The following TNKS variants were observed in gnomAD, a reference collection of about 807,000 sequenced individuals.
TNKS encodes poly [ADP-ribose] polymerase tankyrase-1.
TNKS carries 72 observed loss-of-function variants against 135.8 expected under a neutral mutation model. The ratio of observed to expected loss-of-function variants is 0.53; its 90% CI spans 0.44 to 0.64. The LOEUF (loss-of-function observed/expected upper bound fraction) is 0.64, where lower values mean the gene tolerates loss of function less well. Among genes scored for constraint, TNKS ranks in the 30% least tolerant of loss-of-function variants. The pLI is 0.00. For missense variants in TNKS, 1,769 were observed against 1,674.0 expected (o/e 1.06, Z -0.99); for synonymous variants, 849 against 649.3 (o/e 1.31, Z -4.68).
intron 2 of TNKS, 53 bp from the exon 3 acceptor site, chr8:9,615,529 A>C: frequency 6.8e-7 from 1 of 1,464,746 alleles, no homozygotes; most frequent in South Asian, 1.2e-5. Flanking sequence ...ACTTACCAGT[A>C]AATAATCTCT....
intron 2 of TNKS, among the ~76,000 whole-genome samples, chr8:9,590,357 G>A (rs760169906): frequency 1.3e-5 from 2 of 152,150 alleles, no homozygotes; most frequent in African/African-American, 2.4e-5. Context: ...ATTCATCTGA[G>A]TTGTGCCCTG....
intron 5 of TNKS, among the ~76,000 whole-genome samples, chr8:9,701,853 G>C (rs1803819454): frequency 6.6e-6 from 1 of 152,142 alleles, no homozygotes; most frequent in South Asian, 2.1e-4. Context: ...TACACACAGG[G>C]GCCCCTTACA....
At chr8:9,628,221 T>C (rs1800139361) in intron 3 of TNKS, among the ~76,000 whole-genome samples, 1 of 152,210 alleles carries the variant, frequency 6.6e-6, no homozygotes, top group Non-Finnish European at 1.5e-5. Flanking sequence ...TAGTCACTTG[T>C]TTTTCTGCTT....
intron 25 of TNKS, among the ~76,000 whole-genome samples, chr8:9,768,503 C>T (rs922319037): frequency 2.0e-5 from 3 of 152,224 alleles, no homozygotes; most frequent in South Asian, 2.1e-4. Flanking sequence ...TAGGCTGCTG[C>T]GTCTGCAGAA....
At chr8:9,713,225 G>A (rs1804424309) in intron 11 of TNKS, among the ~76,000 whole-genome samples, 1 of 152,106 alleles carries the variant, frequency 6.6e-6, no homozygotes, top group African/African-American at 2.4e-5. Context: ...GCATCTTGTT[G>A]CTCTTTCAAG....
chr8:9,674,539 G>C (rs1050774684), intron 3 of TNKS, among the ~76,000 whole-genome samples: 1 of 152,210 alleles, frequency 6.6e-6, no homozygotes, highest in Non-Finnish European at 1.5e-5. Context: ...AGAAGTTTCA[G>C]CTCTTCTGGT....
chr8:9,620,141 A>G (rs1000881422), intron 3 of TNKS, among the ~76,000 whole-genome samples: 1 of 151,896 alleles, frequency 6.6e-6, no homozygotes, highest in South Asian at 2.1e-4. Context: ...GTATAGATGG[A>G]CTTTCACCAC....
At position 9,556,108 on chromosome 8, in the gene TNKS, G is replaced by T. The variant is rs750708851; in HGVS notation, c.169G>T (p.Ala57Ser). The change falls in exon 1 of 27, where the codon GCC (alanine) becomes TCC (serine). Residue 57 changes from alanine to serine, a missense_variant. Ala to Ser is a moderately conservative substitution (Grantham distance 99, BLOSUM62 1). This residue lies in a region of TNKS where 450 missense variants were observed against 304.9 expected (regional missense o/e 1.48). Transcript: ENST00000310430. ...SPTASGLAPF[A>S]SPRHGLALPE... ...CACGGCCAGCGGCCTGGCCCCCTTC[G>T]CCTCCCCGCGGCACGGCCTAGCGCT... The T allele has an allele frequency of 1.2e-6, 2 of 1,600,300 alleles. No homozygotes were observed. The highest frequency in any genetic ancestry group is 8.5e-7 in the Non-Finnish European group (1 of 1,174,060).
intron 5 of TNKS, among the ~76,000 whole-genome samples, chr8:9,701,603 T>C (rs1803807726): frequency 6.6e-6 from 1 of 152,008 alleles, no homozygotes; most frequent in South Asian, 2.1e-4. Flanking sequence ...CTGAGAAAAA[T>C]AGACAAAATG....
At chr8:9,595,965 A>C (rs1245805231) in intron 2 of TNKS, among the ~76,000 whole-genome samples, 1 of 152,124 alleles carries the variant, frequency 6.6e-6, no homozygotes, top group Non-Finnish European at 1.5e-5. Context: ...TTTAAAAATT[A>C]GCTGGGGGTG....
At chr8:9,727,641 C>T (rs568600232) in intron 13 of TNKS, among the ~76,000 whole-genome samples, 2 of 152,288 alleles carry the variant, frequency 1.3e-5, no homozygotes, top group African/African-American at 4.8e-5. Flanking sequence ...GTACTTTTTA[C>T]GACATACTGT....
intron 3 of TNKS, among the ~76,000 whole-genome samples, chr8:9,664,212 C>T (rs2128789412): frequency 1.3e-5 from 2 of 152,272 alleles, no homozygotes; most frequent in East Asian, 3.9e-4. Context: ...CTGGTGAGGG[C>T]TTCAGATTGC....
chr8:9,579,467 TTTTTATTTTA>T (rs1190246357), intron 1 of TNKS, among the ~76,000 whole-genome samples: 1 of 152,116 alleles, frequency 6.6e-6, no homozygotes, highest in South Asian at 2.1e-4. Flanking sequence ...TATTTATTTA[TTTTTATTTTA>T]TTTTATTTTA....
At chr8:9,714,317 ACC>A (rs1804488747) in intron 11 of TNKS, among the ~76,000 whole-genome samples, 1 of 130,486 alleles carries the variant, frequency 7.7e-6, no homozygotes, top group Non-Finnish European at 1.6e-5. Flanking sequence ...ATGTGAAGCA[ACC>A]GCCCTACAGG....
intron 1 of TNKS, among the ~76,000 whole-genome samples, chr8:9,561,613 T>A (rs767432859): frequency 1.2e-4 from 19 of 152,336 alleles, no homozygotes; most frequent in South Asian, 2.1e-4. Context: ...TGATAGACCC[T>A]TAAGCTGATT....
chr8:9,681,930 C>T (rs1802799567), intron 5 of TNKS, among the ~76,000 whole-genome samples: 1 of 152,002 alleles, frequency 6.6e-6, no homozygotes, highest in Admixed American at 6.6e-5. Context: ...TTTTGTTTCT[C>T]TGGGTAATTT....
At chr8:9,629,271 A>G (rs563482224) in intron 3 of TNKS, among the ~76,000 whole-genome samples, 1 of 152,216 alleles carries the variant, frequency 6.6e-6, no homozygotes, top group African/African-American at 2.4e-5. Context: ...TCTGATGCAG[A>G]CTCCTAATCT....
Position 9,608,064 on chromosome 8 carries a change from A to G in TNKS, c.899-7518A>G, listed in dbSNP as rs188338671. Among the ~76,000 whole-genome samples the G allele has an allele frequency of 2.2e-3, 333 of 152,180 alleles. 2 individuals carry two copies. Among genetic ancestry groups the G allele is most frequent in the Non-Finnish European group, 4.0e-3 (272 of 67,998 alleles). On this transcript the variant is annotated intron_variant, in intron 2 of 26. Transcript: ENST00000310430. ...CAAGCGATCCTCCCACCTGAGCCCC[A>G]CGAATAGCTGGGACCACAGGTGCGT...
At chr8:9,586,470 A>G (rs1029427763) in intron 2 of TNKS, among the ~76,000 whole-genome samples, 2 of 152,020 alleles carry the variant, frequency 1.3e-5, no homozygotes, top group Non-Finnish European at 2.9e-5. Flanking sequence ...ATAAAATTAT[A>G]TTTTATGATT....
Sources: gnomAD v4.1 joint callset for allele counts (sites outside exome capture counted in the v4.1 genomes callset) on GRCh38, gnomAD v4.1.1 for gene constraint, gnomAD v4.1.1 regional missense constraint, MANE v1.5 for transcripts, NCBI Gene and HGNC (gene_info 2026-07-23, HGNC 2026-07-21) for gene names.